The following PIEZO1 variants were observed in gnomAD, a reference collection of about 807,000 sequenced individuals.
PIEZO1 encodes the protein piezo-type mechanosensitive ion channel component 1.
In PIEZO1, 296 loss-of-function variants were observed where a neutral mutation model predicts 297.2. That is an observed-to-expected ratio of 1.00 (90% confidence interval 0.91 to 1.10). The LOEUF is 1.10. Ranked by LOEUF, PIEZO1 falls within the 50% of genes least tolerant of loss-of-function variation. The pLI is 0.00. For missense variants in PIEZO1, 5,018 were observed against 3,455.5 expected (o/e 1.45, Z -11.34); for synonymous variants, 2,427 against 1,507.5 (o/e 1.61, Z -14.13).
At chr16:88,764,436 C>G (rs1246725401) in intron 1 of PIEZO1, among the ~76,000 whole-genome samples, 1 of 152,148 alleles carries the variant, frequency 6.6e-6, no homozygotes, top group Non-Finnish European at 1.5e-5. Flanking sequence ...AACGTGCTCT[C>G]CAGGCAGAGA....
rs1369246595 is a variant in PIEZO1, at chr16:88,733,590, C to T, written c.2485G>A (p.Glu829Lys). ...ALYTVWVALK[E>K]VSVMNLLLVV... ...GCTGAGTTGCCTGCCACACTCACCT[C>T]CTTCAGGGCCACCCAGACGGTGTAC... Residue 829 changes from glutamate (E) to lysine (K), a missense_variant and splice_region_variant, in exon 18 of 51, where the codon GAG becomes AAG. Transcript: ENST00000301015. The T allele has an allele frequency of 6.5e-7, 1 of 1,541,858 alleles. No individual in the cohort carries two copies. Among genetic ancestry groups the T allele is most frequent in the Non-Finnish European group, 8.8e-7 (1 of 1,141,188 alleles).
chr16:88,754,769 G>A (rs139115223), intron 1 of PIEZO1, among the ~76,000 whole-genome samples: 100 of 152,342 alleles, frequency 6.6e-4, no homozygotes, highest in Middle Eastern at 6.8e-3. Context: ...GCAGGCCAGC[G>A]CTGGCCGAGA....
intron 30 of PIEZO1, among the ~76,000 whole-genome samples, chr16:88,724,618 C>G (rs1029464029): frequency 6.6e-6 from 1 of 152,050 alleles, no homozygotes; most frequent in Non-Finnish European, 1.5e-5. Context: ...CACTTGAACC[C>G]GGGAGGTAGA....
chr16:88,732,241 G>C, intron 21 of PIEZO1, 94 bp downstream of exon 21: 3 of 1,137,098 alleles, frequency 2.6e-6, no homozygotes, highest in Non-Finnish European at 3.8e-6. Flanking sequence ...GCAAACCCAG[G>C]TGGGGCCAGG....
intron 42 of PIEZO1, 44 bp downstream of exon 42, chr16:88,720,025 C>G (rs758637744): frequency 1.3e-6 from 2 of 1,549,170 alleles, no homozygotes; most frequent in Non-Finnish European, 1.7e-6. Flanking sequence ...CCAGCCTGCA[C>G]TGCCCCGCCC....
At chr16:88,782,642 A>G (rs1907986605) in intron 1 of PIEZO1, among the ~76,000 whole-genome samples, 1 of 152,224 alleles carries the variant, frequency 6.6e-6, no homozygotes, top group African/African-American at 2.4e-5. Flanking sequence ...CACACTGACT[A>G]ATGCCTTCTG....
chr16:88,764,195 AAG>A (rs1318902824), intron 1 of PIEZO1, among the ~76,000 whole-genome samples: 45 of 152,088 alleles, frequency 3.0e-4, no homozygotes, highest in Admixed American at 9.2e-4. Context: ...CGGGGTACGA[AAG>A]GGGATGTGCC....
intron 1 of PIEZO1, among the ~76,000 whole-genome samples, chr16:88,772,228 C>T (rs992657724): frequency 1.5e-4 from 23 of 152,228 alleles, no homozygotes; most frequent in African/African-American, 1.9e-4. Context: ...CTGTGTCCAG[C>T]GCTGAAGTCC....
At chr16:88,744,755 A>C (rs1905929726) in intron 2 of PIEZO1, among the ~76,000 whole-genome samples, 1 of 151,894 alleles carries the variant, frequency 6.6e-6, no homozygotes, top group Admixed American at 6.6e-5. Flanking sequence ...GCAGGGTCGA[A>C]GGGGCCGCAG....
rs777852783 is a variant in PIEZO1, at chr16:88,735,114, C to T, written c.1669+21G>A. 77 of 1,549,012 alleles carry T rather than the reference C, an allele frequency of 5.0e-5. No homozygotes were observed. In the Middle Eastern group the frequency reaches 5.0e-4, roughly 10 times the overall value. On this transcript the variant is annotated intron_variant, in intron 13 of 50. Transcript: ENST00000301015. Reference sequence around the variant, plus strand: ...GGCGGGCAGGCAGGAGGGCAACCCCCGCCTCTGGCCCACCACTCACCTGTG... The same window carrying T: ...GGCGGGCAGGCAGGAGGGCAACCCCTGCCTCTGGCCCACCACTCACCTGTG...
chr16:88,750,986 C>T (rs1906360992), intron 1 of PIEZO1, among the ~76,000 whole-genome samples: 1 of 152,288 alleles, frequency 6.6e-6, no homozygotes, highest in South Asian at 2.1e-4. Context: ...GACCCCAAAG[C>T]CCCAGCCAGG....
intron 1 of PIEZO1, among the ~76,000 whole-genome samples, chr16:88,758,562 G>A (rs764222407): frequency 2.0e-5 from 3 of 152,234 alleles, no homozygotes; most frequent in Non-Finnish European, 4.4e-5. Context: ...CCACTCCACA[G>A]GCACCCACGG....
At chr16:88,776,435 A>T (rs1316462377) in intron 1 of PIEZO1, among the ~76,000 whole-genome samples, 3 of 149,160 alleles carry the variant, frequency 2.0e-5, no homozygotes, top group African/African-American at 7.3e-5. Flanking sequence ...CTCTGTCTCA[A>T]AAAAAAAAAA....
At chr16:88,717,294 G>T in intron 44 of PIEZO1, 83 bp from the exon 45 acceptor site, 1 of 1,255,952 alleles carries the variant, frequency 8.0e-7, no homozygotes, top group Non-Finnish European at 1.1e-6. Flanking sequence ...TCACCCAGCA[G>T]CCCAGAAAAG....
Position 88,722,320 on chromosome 16 carries a change from C to A in PIEZO1, c.4853G>T (p.Arg1618Leu). The change falls in exon 36 of 51, where the codon CGC (arginine) becomes CTC (leucine). Residue 1618 changes from arginine to leucine, a missense_variant. Physicochemically the swap from Arg to Leu is moderately radical, Grantham distance 102 (BLOSUM62 -2). Transcript: ENST00000301015. ...GSPLSTGYHT[R>L]SGSEEAVTDP... ...GGTGACTGCCTCCTCACTGCCACTG[C>A]GCGTGTGGTAGCCGGTGCTCAGGGG... 1.9e-6 allele frequency: 3 copies of A among 1,545,984 alleles called. No homozygotes were observed. The highest frequency in any genetic ancestry group is 1.7e-6 in the Non-Finnish European group (2 of 1,145,384).
In PIEZO1 at chr16:88,754,863, G is replaced by A. The variant is rs1906574696; in HGVS notation, c.65-5384C>T. On this transcript the variant is annotated intron_variant, in intron 1 of 50. Coordinates refer to ENST00000301015, the MANE Select transcript of PIEZO1 (RefSeq NM_001142864.4). ...GAGCTGAGGCTGCATCACAGAGCAG[G>A]CAGAGACGAGCTGGGGGCATCGTGT... Among the ~76,000 whole-genome samples the A allele has an allele frequency of 2.0e-5, 3 of 152,358 alleles. No homozygotes were observed. The Middle Eastern group carries it at 0.01, about 518-fold the overall frequency.
chr16:88,735,439 T>A (rs1042614486), intron 12 of PIEZO1, among the ~76,000 whole-genome samples, 193 bp from the exon 13 acceptor site: 4 of 152,066 alleles, frequency 2.6e-5, no homozygotes, highest in Non-Finnish European at 2.9e-5. Context: ...GAGCACACAC[T>A]CTCACATCCA....
chr16:88,722,776 T>A (rs1233802130), intron 34 of PIEZO1, 61 bp downstream of exon 34: 5 of 1,530,940 alleles, frequency 3.3e-6, no homozygotes, highest in Middle Eastern at 1.7e-4. Context: ...ACTAGGCTGT[T>A]AAGCAGGCAG....
intron 22 of PIEZO1, chr16:88,731,262 G>A (rs574635661): frequency 1.1e-3 from 222 of 199,128 alleles, no homozygotes; most frequent in African/African-American, 5.0e-3. Context: ...CTGTTTGAAT[G>A]CAGAGGACAC....
Sources: gnomAD v4.1 joint callset for allele counts (sites outside exome capture counted in the v4.1 genomes callset) on GRCh38, gnomAD v4.1.1 for gene constraint, MANE v1.5 for transcripts, NCBI Gene and HGNC (gene_info 2026-07-23, HGNC 2026-07-21) for gene names.